The following ZCCHC14 variants were observed in gnomAD, a reference collection of about 807,000 sequenced individuals.
The protein encoded by ZCCHC14 is zinc finger CCHC-type containing 14, also known as zinc finger CCHC domain-containing protein 14.
In ZCCHC14, 16 loss-of-function variants were observed where a neutral mutation model predicts 85.0. The ratio of observed to expected loss-of-function variants is 0.19; its 90% CI spans 0.13 to 0.29. The LOEUF is 0.29. Ranked by LOEUF, ZCCHC14 falls within the 10% of genes least tolerant of loss-of-function variation. The probability of loss-of-function intolerance (pLI) is 1.00; values close to 1 mark genes in which losing one functional copy is unlikely to be tolerated. For synonymous variants in ZCCHC14, 775 were observed against 630.7 expected, an observed-to-expected ratio of 1.23 and a Z score of -3.43; for missense variants, 1,303 against 1,443.5, an observed-to-expected ratio of 0.90 and a Z score of 1.58.
At position 87,407,950 on chromosome 16, in the gene ZCCHC14, G is replaced by A. The variant is rs1297779203; in HGVS notation, c.*2330C>T. The stretch of plus-strand genomic sequence containing the variant: ...TGTGTAGCTCCTACTTACAGCTGAC[G>A]ATTCTCGACTTCGGACGGCCTCCCT... On this transcript the variant is annotated 3_prime_UTR_variant, in exon 13 of 13. Coordinates refer to ENST00000671377, the MANE Select transcript of ZCCHC14 (RefSeq NM_015144.3). 2.0e-5 allele frequency: 3 copies of A among 152,686 alleles called. No homozygotes were observed. Among genetic ancestry groups the A allele is most frequent in the South Asian group, 2.1e-4 (1 of 4,828 alleles). The allele number at this position is 152,686 out of a possible 1,614,324, so 9.5% of individuals were successfully genotyped here. A position where few individuals can be genotyped will look rare whatever the true frequency, so the allele number is the denominator to read the frequency against.
intron 2 of ZCCHC14, among the ~76,000 whole-genome samples, chr16:87,447,703 T>G (rs1910509470): frequency 6.6e-6 from 1 of 152,256 alleles, no homozygotes; most frequent in South Asian, 2.1e-4. Flanking sequence ...ACGCTTTCAT[T>G]TCTTTGGGAT....
At chr16:87,490,179 C>G (rs1912689151) in intron 1 of ZCCHC14, among the ~76,000 whole-genome samples, 1 of 152,134 alleles carries the variant, frequency 6.6e-6, no homozygotes, top group Non-Finnish European at 1.5e-5. Flanking sequence ...TGTACTACAA[C>G]CACTTCTTAC....
chr16:87,449,356 T>C (rs1489324155), intron 2 of ZCCHC14, among the ~76,000 whole-genome samples: 3 of 152,042 alleles, frequency 2.0e-5, no homozygotes, highest in African/African-American at 7.3e-5. Context: ...AAGGGATAGA[T>C]GCAGGGAAGA....
intron 1 of ZCCHC14, among the ~76,000 whole-genome samples, chr16:87,484,862 A>G (rs1912442228): frequency 6.6e-6 from 1 of 152,146 alleles, no homozygotes; most frequent in Non-Finnish European, 1.5e-5. Context: ...CAAATACTAG[A>G]GGTCAAAGAT....
At chr16:87,448,914 G>T (rs1170268933) in intron 2 of ZCCHC14, among the ~76,000 whole-genome samples, 2 of 152,016 alleles carry the variant, frequency 1.3e-5, no homozygotes, top group Admixed American at 6.6e-5. Context: ...TCCTATCCTT[G>T]AATTTGGAGC....
intron 12 of ZCCHC14, among the ~76,000 whole-genome samples, chr16:87,411,144 C>A (rs369052892): frequency 6.6e-6 from 1 of 152,244 alleles, no homozygotes; most frequent in Non-Finnish European, 1.5e-5. Flanking sequence ...CGAGCCCCAC[C>A]CCAGAGGGTC....
chr16:87,439,468 C>A (rs1400812579), intron 2 of ZCCHC14, among the ~76,000 whole-genome samples: 1 of 152,156 alleles, frequency 6.6e-6, no homozygotes, highest in Non-Finnish European at 1.5e-5. Flanking sequence ...AAGCAGTCTC[C>A]CCCTTGGCAT....
rs1013839201 is a variant in ZCCHC14 at position 87,412,223 on chromosome 16, A to C, written c.2498T>G (p.Leu833Arg). 10 of 1,612,330 alleles carry C rather than the reference A, an allele frequency of 6.2e-6. No individual in the cohort carries two copies. The highest frequency in any genetic ancestry group is 2.7e-5 in the African/African-American group (2 of 74,900). Reference protein sequence around the residue: ...SAMSSMPVGPLQGGFCANSNT... With the variant: ...SAMSSMPVGPRQGGFCANSNT... ...GCTGTTTGCACAGAAGCCACCCTGC[A>C]GGGGGCCCACTGGCATACTGCTCAT... is the stretch of plus-strand genomic sequence containing the variant. Residue 833 changes from leucine to arginine, a missense_variant, in exon 12 of 13, where the codon CTG (leucine) becomes CGG (arginine). Physicochemically the swap from Leu to Arg is moderately radical, Grantham distance 102. Transcript: ENST00000671377.
chr16:87,463,801 G>A (rs1049943348), intron 1 of ZCCHC14, among the ~76,000 whole-genome samples: 8 of 152,084 alleles, frequency 5.3e-5, no homozygotes, highest in Non-Finnish European at 1.0e-4. Flanking sequence ...CTCCATCCCG[G>A]GTGACAGAGC....
At chr16:87,482,061 G>A (rs1912305708) in intron 1 of ZCCHC14, among the ~76,000 whole-genome samples, 1 of 152,162 alleles carries the variant, frequency 6.6e-6, no homozygotes, top group South Asian at 2.1e-4. Context: ...CATTGTAATG[G>A]CAGTGGCAGA....
At chr16:87,445,069 ACTT>A (rs1473531414) in intron 2 of ZCCHC14, among the ~76,000 whole-genome samples, 4 of 104,016 alleles carry the variant, frequency 3.8e-5, no homozygotes, top group African/African-American at 1.1e-4. Flanking sequence ...TTCAAAATAA[ACTT>A]TTTTTTTTTT....
At chr16:87,413,021 C>A (rs760173313) in intron 11 of ZCCHC14, 34 bp downstream of exon 11, 1 of 1,614,046 alleles carries the variant, frequency 6.2e-7, no homozygotes, top group Non-Finnish European at 8.5e-7. Context: ...CACAGCTGGG[C>A]CAGGTCGAGC....
Position 87,491,665 on chromosome 16 carries a change from G to T in ZCCHC14, c.570+4C>A. On this transcript the variant is annotated splice_donor_region_variant and intron_variant, in intron 1 of 12. Transcript: ENST00000671377. The surrounding 1 kb of genome is among the most constrained non-coding windows in gnomAD (Gnocchi z 5.9). ...ACAGGGCAGAGCTCGGGGCGGGCAC[G>T]CACCTTGTGGCAGGCTGGGCAAGTG... The T allele has an allele frequency of 7.1e-7, 1 of 1,410,234 alleles. No individual in the cohort carries two copies. The allele number at this position is 1,410,234 out of a possible 1,614,324, so 87.4% of individuals were successfully genotyped here.
chr16:87,421,508 C>T (rs1036182039), intron 4 of ZCCHC14, among the ~76,000 whole-genome samples: 1 of 152,192 alleles, frequency 6.6e-6, no homozygotes, highest in Admixed American at 6.5e-5. Context: ...GAAGCCCAGG[C>T]ACACAGGCCT....
intron 1 of ZCCHC14, among the ~76,000 whole-genome samples, chr16:87,468,700 G>A (rs1911645687): frequency 1.3e-5 from 2 of 152,190 alleles, no homozygotes; most frequent in African/African-American, 4.8e-5. Context: ...GTCCCCAGGG[G>A]ACATCTGGCC....
Position 87,488,918 on chromosome 16 carries a change from C to T in ZCCHC14, c.570+2751G>A, listed in dbSNP as rs143637767. 2.0e-3 allele frequency among the ~76,000 whole-genome samples: 308 copies of T among 152,098 alleles called. 2 individuals carry two copies. The highest frequency in any genetic ancestry group is 7.2e-3 in the African/African-American group (297 of 41,394). On this transcript the variant is annotated intron_variant, in intron 1 of 12. Coordinates refer to ENST00000671377, the MANE Select transcript of ZCCHC14 (RefSeq NM_015144.3). Reference sequence around the variant, plus strand: ...AAATTGGATAAAGAATTTAAAAAGCCATTGACATTTGTATCTCTAAAAGAA... The same window carrying T: ...AAATTGGATAAAGAATTTAAAAAGCTATTGACATTTGTATCTCTAAAAGAA...
chr16:87,485,606 A>AAC (rs1912480211), intron 1 of ZCCHC14, among the ~76,000 whole-genome samples: 1 of 150,112 alleles, frequency 6.7e-6, no homozygotes, highest in African/African-American at 2.5e-5. Flanking sequence ...AAAAAAAAAA[A>AAC]AGAAGAAGAA....
chr16:87,471,044 C>A (rs183624008), intron 1 of ZCCHC14: 3 of 152,160 alleles, frequency 2.0e-5, no homozygotes, highest in East Asian at 3.9e-4. Context: ...TCCTTCCACA[C>A]ATATCTCGAG....
chr16:87,471,448 A>G (rs1457719874), intron 1 of ZCCHC14: 2 of 152,280 alleles, frequency 1.3e-5, no homozygotes, highest in African/African-American at 4.8e-5. Context: ...GAAAGAGAGA[A>G]AAAAGATTAC....
Sources: gnomAD v4.1 joint callset for allele counts (sites outside exome capture counted in the v4.1 genomes callset) on GRCh38, gnomAD v4.1.1 for gene constraint, Gnocchi (gnomAD v3.1) non-coding constraint, MANE v1.5 for transcripts, NCBI Gene and HGNC (gene_info 2026-07-23, HGNC 2026-07-21) for gene names.